Variants in RALYL observed in about 807,000 individuals in gnomAD.
RALYL encodes the protein RNA-binding Raly-like protein.
In RALYL, 29 loss-of-function variants were observed where a neutral mutation model predicts 35.1. That is an observed-to-expected ratio of 0.83 (90% CI 0.61 to 1.13). RALYL has a LOEUF of 1.13. RALYL is among the 50% of genes most tolerant of loss of function. RALYL has a pLI of 0.00. For missense variants in RALYL, 359 were observed against 360.4 expected, an observed-to-expected ratio of 1.00 and a Z score of 0.03; for synonymous variants, 120 against 127.6, an observed-to-expected ratio of 0.94 and a Z score of 0.40.
At chr8:84,693,866 T>C (rs559309785) in intron 2 of RALYL, among the ~76,000 whole-genome samples, 5 of 151,850 alleles carry the variant, frequency 3.3e-5, no homozygotes, top group Non-Finnish European at 7.4e-5. Context: ...AGAAAAACCA[T>C]ATGATCACCT....
rs760125790 is a variant in RALYL, at chr8:84,862,320, G to A, written c.438G>A (p.Val146=). The A allele has an allele frequency of 1.2e-5, 19 of 1,592,964 alleles. No homozygotes were observed. Among genetic ancestry groups the A allele is most frequent in the Non-Finnish European group, 1.5e-5 (18 of 1,170,400 alleles). ...GGTTATTTGATTACCACGGGCGTGT[G>A]CCTCCACCTCCCCGTGCAGTAATTC... ...YNRLFDYHGR[V]PPPPRAVIPL... The change falls in exon 6 of 9, where the codon GTG becomes GTA. Residue 146 remains valine, a synonymous_variant. Coordinates refer to ENST00000521268, the MANE Select transcript of RALYL (RefSeq NM_173848.7).
rs565596713 is a variant in RALYL at position 84,670,698 on chromosome 8, A to G, written c.257-103881A>G. Among the ~76,000 whole-genome samples the G allele has an allele frequency of 1.9e-3, 292 of 152,292 alleles. 2 individuals are homozygous for G. Among genetic ancestry groups the G allele is most frequent in the African/African-American group, 6.5e-3 (269 of 41,568 alleles). On this transcript the variant is annotated intron_variant, in intron 2 of 8. Coordinates refer to ENST00000521268, the MANE Select transcript of RALYL (RefSeq NM_173848.7). ...CCAGATCTTGTGAGCGTTAATCACT[A>G]TCATGAGAACAGCATGGGAAAGCCC...
intron 8 of RALYL, among the ~76,000 whole-genome samples, chr8:84,916,197 T>C (rs1231213620): frequency 6.6e-6 from 1 of 152,194 alleles, no homozygotes; most frequent in Non-Finnish European, 1.5e-5. Context: ...ATAAGTATTA[T>C]AAAGTGACTG....
chr8:84,414,263 C>T (rs1274508658), intron 1 of RALYL, among the ~76,000 whole-genome samples: 1 of 152,068 alleles, frequency 6.6e-6, no homozygotes, highest in African/African-American at 2.4e-5. Context: ...ATTAACAATA[C>T]TTTGCCATTT....
At chr8:84,648,594 A>G (rs1049224905) in intron 2 of RALYL, among the ~76,000 whole-genome samples, 3 of 152,066 alleles carry the variant, frequency 2.0e-5, no homozygotes, top group Non-Finnish European at 4.4e-5. Context: ...ACTTTAGAGT[A>G]TATCCACATT....
intron 4 of RALYL, among the ~76,000 whole-genome samples, chr8:84,817,612 G>T (rs1586521176): frequency 6.6e-6 from 1 of 151,860 alleles, no homozygotes; most frequent in East Asian, 1.9e-4. Context: ...TTGGAGTGCA[G>T]TGGTGCAATC....
chr8:84,579,710 A>G (rs1327446650), intron 2 of RALYL, among the ~76,000 whole-genome samples: 1 of 152,244 alleles, frequency 6.6e-6, no homozygotes, highest in Non-Finnish European at 1.5e-5. Flanking sequence ...ACTAATATCT[A>G]TCTTCTCACT....
intron 2 of RALYL, among the ~76,000 whole-genome samples, chr8:84,602,874 T>A (rs1252225): frequency 4.6e-5 from 7 of 151,870 alleles, no homozygotes; most frequent in African/African-American, 1.2e-4. Context: ...GATTTCTGTC[T>A]TTGAGAATAA....
chr8:84,529,243 G>A lies in RALYL; in HGVS notation c.-23-56G>A, dbSNP rs888092767. On this transcript the variant is annotated intron_variant, in intron 1 of 8. Coordinates refer to ENST00000521268, the MANE Select transcript of RALYL (RefSeq NM_173848.7). ...GTTAAAAAGCCACTGATACCCATTC[G>A]ATCTAATGATTTACCTTTTGATTAT... 45 of 1,526,276 alleles carry A rather than the reference G, an allele frequency of 2.9e-5. No homozygotes were observed. In the Middle Eastern group the frequency reaches 1.2e-3, roughly 40 times the overall value. 94.5% of individuals were successfully genotyped at this position (1,526,276 alleles called of 1,614,324 possible).
At chr8:84,655,514 A>C (rs1292118641) in intron 2 of RALYL, among the ~76,000 whole-genome samples, 1 of 152,060 alleles carries the variant, frequency 6.6e-6, no homozygotes, top group South Asian at 2.1e-4. Context: ...TTTTTAGTAG[A>C]GACGGGGTTT....
intron 6 of RALYL, among the ~76,000 whole-genome samples, chr8:84,870,200 G>A (rs1335050968): frequency 6.6e-6 from 1 of 151,520 alleles, no homozygotes; most frequent in Admixed American, 6.6e-5. Flanking sequence ...AGAAAAATAA[G>A]TTGTCCTCAA....
At chr8:84,715,566 T>C (rs1370532907) in intron 2 of RALYL, among the ~76,000 whole-genome samples, 2 of 152,034 alleles carry the variant, frequency 1.3e-5, no homozygotes, top group Admixed American at 1.3e-4. Context: ...TTTACATAAA[T>C]ATAGGCAAAC....
intron 2 of RALYL, among the ~76,000 whole-genome samples, chr8:84,577,805 T>C (rs1483354): frequency 0.21 from 31,731 of 152,174 alleles, 3,433 homozygotes; most frequent in Non-Finnish European, 0.23. Flanking sequence ...AAAGTTTTGA[T>C]TCATCATATT....
At chr8:84,296,587 A>C in intron 1 of RALYL, among the ~76,000 whole-genome samples, 1 of 129,532 alleles carries the variant, frequency 7.7e-6, no homozygotes, top group Non-Finnish European at 1.6e-5. Context: ...TGTTTTACCT[A>C]TTCCCTAGAG....
intron 4 of RALYL, among the ~76,000 whole-genome samples, chr8:84,816,032 C>CAAAAAAAAAAAAAAA (rs5892931): frequency 2.4e-5 from 2 of 84,192 alleles, no homozygotes; most frequent in Non-Finnish European, 2.3e-5. Flanking sequence ...GACTCTGTCT[C>CAAAAAAAAAAAAAAA]AAAAAAAAAA....
chr8:84,207,555 G>T (rs1325100508), intron 1 of RALYL, among the ~76,000 whole-genome samples: 1 of 151,900 alleles, frequency 6.6e-6, no homozygotes, highest in Non-Finnish European at 1.5e-5. Context: ...TGGTTGCTTG[G>T]GAATGGGAAT....
intron 1 of RALYL, among the ~76,000 whole-genome samples, chr8:84,499,514 C>T (rs947401915): frequency 5.9e-5 from 9 of 152,106 alleles, no homozygotes; most frequent in Admixed American, 1.3e-4. Context: ...TAAGCAGTTG[C>T]ATGTGGCAAA....
intron 2 of RALYL, among the ~76,000 whole-genome samples, chr8:84,655,679 A>G (rs1470160785): frequency 6.6e-6 from 1 of 151,148 alleles, no homozygotes; most frequent in Admixed American, 6.6e-5. Flanking sequence ...TATTCTGATG[A>G]TAATCCCTTG....
intron 1 of RALYL, among the ~76,000 whole-genome samples, chr8:84,254,227 G>C (rs2131717121): frequency 6.6e-6 from 1 of 152,072 alleles, no homozygotes; most frequent in South Asian, 2.1e-4. Context: ...TTTATCTTCT[G>C]TTGTATATAT....
Sources: allele counts gnomAD v4.1 joint callset (sites outside exome capture counted in the v4.1 genomes callset), GRCh38; gene constraint gnomAD v4.1.1; transcripts MANE v1.5; gene names NCBI Gene and HGNC (gene_info 2026-07-23, HGNC 2026-07-21).